Variants in PLEKHB2 observed in about 807,000 individuals in gnomAD.
PLEKHB2 encodes pleckstrin homology domain containing B2.
PLEKHB2 carries 31 observed loss-of-function variants against 36.5 expected under a neutral mutation model. The observed-to-expected ratio is 0.85, with a 90% CI of 0.64 to 1.15. PLEKHB2 has a LOEUF of 1.15. PLEKHB2 is among the 50% of genes most tolerant of loss of function. The pLI, the probability that PLEKHB2 is intolerant of heterozygous loss-of-function variation, is 0.00. For synonymous variants in PLEKHB2, 119 were observed against 112.0 expected (o/e 1.06, Z -0.39); for missense variants, 262 against 295.3 (o/e 0.89, Z 0.83).
intron 6 of PLEKHB2, among the ~76,000 whole-genome samples, chr2:131,138,846 CCACATGGTCTT>C: frequency 6.6e-6 from 1 of 152,124 alleles, no homozygotes. Flanking sequence ...TTCTGGCTCC[CCACATGGTCTT>C]CATGGACACC....
At chr2:131,141,964 A>T (rs1698830615) in intron 7 of PLEKHB2, among the ~76,000 whole-genome samples, 1 of 152,176 alleles carries the variant, frequency 6.6e-6, no homozygotes, top group Non-Finnish European at 1.5e-5. Flanking sequence ...TTACCTAGTT[A>T]TTTCAGTTCA....
At chr2:131,129,424 A>T (rs1697438614) in intron 4 of PLEKHB2, among the ~76,000 whole-genome samples, 2 of 152,200 alleles carry the variant, frequency 1.3e-5, no homozygotes. Context: ...AGAATAAAAC[A>T]TAAAAGGAAT....
chr2:131,114,639 T>C (rs1266486586), intron 1 of PLEKHB2, among the ~76,000 whole-genome samples: 2 of 152,190 alleles, frequency 1.3e-5, no homozygotes, highest in East Asian at 3.8e-4. Context: ...CTAAATCATC[T>C]CTCTCAAGTT....
At chr2:131,126,640 A>G in intron 3 of PLEKHB2, 44 bp from the exon 4 acceptor site, 1 of 1,112,946 alleles carries the variant, frequency 9.0e-7, no homozygotes, top group Non-Finnish European at 1.4e-6. Context: ...AAATGTAAGA[A>G]GAAATCCTGA....
rs148967117 is a variant in PLEKHB2, at chr2:131,129,500, A to G, written c.294-1221A>G. 1.8e-3 allele frequency among the ~76,000 whole-genome samples: 278 copies of G among 152,196 alleles called. 1 individual carries two copies. Among genetic ancestry groups the G allele is most frequent in the African/African-American group, 6.2e-3 (258 of 41,530 alleles). On this transcript the variant is annotated intron_variant, in intron 4 of 7. Transcript: ENST00000693505. ...GGGTAAAGGAGTGAGGGAGTGCACAAGAGAACACTATTTTGTTTTTTGAGA... is the reference window on the plus strand; with the variant it reads ...GGGTAAAGGAGTGAGGGAGTGCACAGGAGAACACTATTTTGTTTTTTGAGA...
At chr2:131,130,962 AT>A (rs1022276672) in intron 5 of PLEKHB2, among the ~76,000 whole-genome samples, 4 of 151,902 alleles carry the variant, frequency 2.6e-5, no homozygotes, top group African/African-American at 7.3e-5. Flanking sequence ...ATTTGAAAAA[AT>A]TTTTTTGTAG....
intron 6 of PLEKHB2, among the ~76,000 whole-genome samples, chr2:131,138,113 C>A (rs1698449226): frequency 7.3e-6 from 1 of 137,190 alleles, no homozygotes; most frequent in Non-Finnish European, 1.6e-5. Context: ...TGGATTCTTT[C>A]CTTTGTCATC....
chr2:131,130,593 G>T, intron 4 of PLEKHB2, 128 bp from the exon 5 acceptor site: 1 of 735,802 alleles, frequency 1.4e-6, no homozygotes, highest in Non-Finnish European at 2.4e-6. Flanking sequence ...GTCTCAAGTG[G>T]TTTGGGGCAA....
chr2:131,145,170 TCA>T (rs1419441200), intron 7 of PLEKHB2, among the ~76,000 whole-genome samples: 1 of 152,192 alleles, frequency 6.6e-6, no homozygotes, highest in Non-Finnish European at 1.5e-5. Context: ...GCTGTGTGCC[TCA>T]GTTTGCCCAT....
intron 1 of PLEKHB2, among the ~76,000 whole-genome samples, chr2:131,105,664 C>T (rs367860816): frequency 2.6e-5 from 4 of 152,108 alleles, no homozygotes; most frequent in African/African-American, 7.2e-5. Context: ...CCCAGTGGGC[C>T]CCCCCGGCCT....
intron 4 of PLEKHB2, among the ~76,000 whole-genome samples, chr2:131,129,324 CAAAAAAAAAAAAAAAAAA>C (rs1168039416): frequency 2.0e-5 from 1 of 49,930 alleles, no homozygotes; most frequent in Non-Finnish European, 3.6e-5. Flanking sequence ...GACTCCATCT[CAAAAAAAAAAAAAAAAAA>C]AAAAAAAAAA....
chr2:131,139,542 A>G (rs573676526), intron 6 of PLEKHB2, among the ~76,000 whole-genome samples: 1 of 152,332 alleles, frequency 6.6e-6, no homozygotes, highest in East Asian at 1.9e-4. Flanking sequence ...ACCTGTGAGT[A>G]TGCAAGGAAG....
intron 6 of PLEKHB2, among the ~76,000 whole-genome samples, chr2:131,136,512 A>T (rs551723153): frequency 1.3e-5 from 2 of 151,760 alleles, no homozygotes; most frequent in East Asian, 3.9e-4. Flanking sequence ...AATTAATATG[A>T]TCATGAGATT....
At chr2:131,114,669 AG>A (rs2104796791) in intron 1 of PLEKHB2, among the ~76,000 whole-genome samples, 1 of 152,204 alleles carries the variant, frequency 6.6e-6, no homozygotes, top group East Asian at 1.9e-4. Context: ...ACAGATCTCT[AG>A]GACAGGGACA....
chr2:131,139,674 T>TC (rs1698591900), intron 6 of PLEKHB2, among the ~76,000 whole-genome samples: 1 of 152,186 alleles, frequency 6.6e-6, no homozygotes. Flanking sequence ...ACACCATCAG[T>TC]CACCTGCCCA....
chr2:131,134,640 G>A (rs1453648139), intron 6 of PLEKHB2, among the ~76,000 whole-genome samples: 1 of 152,068 alleles, frequency 6.6e-6, no homozygotes, highest in Non-Finnish European at 1.5e-5. Flanking sequence ...AAAAGTCTTG[G>A]AACTGGGTGG....
At chr2:131,119,816 A>G (rs1392600072) in intron 1 of PLEKHB2, among the ~76,000 whole-genome samples, 1 of 151,964 alleles carries the variant, frequency 6.6e-6, no homozygotes, top group Non-Finnish European at 1.5e-5. Flanking sequence ...TGGGAAATTC[A>G]GTGTCTTTTT....
At chr2:131,144,369 TG>T in intron 7 of PLEKHB2, 1 of 1,121,666 alleles carries the variant, frequency 8.9e-7, no homozygotes, top group Non-Finnish European at 1.1e-6. Context: ...TGCTTTGAGT[TG>T]GCTCCTTTGG....
chr2:131,131,445 C>T (rs999053083), intron 5 of PLEKHB2, among the ~76,000 whole-genome samples: 1 of 152,160 alleles, frequency 6.6e-6, no homozygotes, highest in East Asian at 1.9e-4. Context: ...TGTTTCTGGC[C>T]TTAGGAGGTC....
Sources: allele counts gnomAD v4.1 joint callset (sites outside exome capture counted in the v4.1 genomes callset), GRCh38; gene constraint gnomAD v4.1.1; transcripts MANE v1.5; gene names NCBI Gene and HGNC (gene_info 2026-07-23, HGNC 2026-07-21).